HDAC9: variants seen among roughly 807,000 people sequenced by gnomAD.
HDAC9 encodes histone deacetylase 9.
A neutral mutation model predicts 139.4 loss-of-function variants in HDAC9; 41 were observed. The ratio of observed to expected loss-of-function variants is 0.29; its 90% CI spans 0.23 to 0.38. HDAC9 has a LOEUF of 0.38. Ranked by LOEUF, HDAC9 falls within the 10% of genes least tolerant of loss-of-function variation. The pLI is 1.00. For missense variants in HDAC9, 1,147 were observed against 1,297.0 expected (o/e 0.88, Z 1.78); for synonymous variants, 517 against 476.2 (o/e 1.09, Z -1.12).
At chr7:18,163,247 G>C (rs560342589) in intron 2 of HDAC9, among the ~76,000 whole-genome samples, 1 of 152,082 alleles carries the variant, frequency 6.6e-6, no homozygotes, top group Non-Finnish European at 1.5e-5. Flanking sequence ...TCCCCAACAG[G>C]CCTCCAACTT....
At chr7:18,129,857 A>G (rs968085120) in intron 1 of HDAC9, among the ~76,000 whole-genome samples, 31 of 152,194 alleles carry the variant, frequency 2.0e-4, no homozygotes, top group African/African-American at 7.5e-4. Flanking sequence ...GCAAAGTGAT[A>G]TAAGTGTTAG....
chr7:18,491,004 GTC>G (rs1406513471), upstream of HDAC9, among the ~76,000 whole-genome samples: 1 of 151,876 alleles, frequency 6.6e-6, no homozygotes, highest in Non-Finnish European at 1.5e-5. Context: ...TACATGAAAA[GTC>G]TCTGCTTGAT....
intron 12 of HDAC9, among the ~76,000 whole-genome samples, chr7:18,707,827 T>C (rs900104950): frequency 1.3e-5 from 2 of 151,260 alleles, no homozygotes; most frequent in Admixed American, 6.6e-5. Context: ...TGGCAGTAAC[T>C]TGAAGGGAAC....
At chr7:18,162,573 A>G (rs992021436) in intron 2 of HDAC9, 3 of 551,412 alleles carry the variant, frequency 5.4e-6, no homozygotes, top group Non-Finnish European at 9.7e-6. Context: ...TAGTCTGAGC[A>G]TGGGACTTTA....
intron 1 of HDAC9, among the ~76,000 whole-genome samples, chr7:18,092,476 G>C (rs1421116015): frequency 6.6e-6 from 1 of 151,502 alleles, no homozygotes; most frequent in Non-Finnish European, 1.5e-5. Flanking sequence ...TAGAAACAAG[G>C]CTCCAAATCC....
At chr7:18,847,183 A>G (rs994379087) in intron 21 of HDAC9, among the ~76,000 whole-genome samples, 1 of 152,198 alleles carries the variant, frequency 6.6e-6, no homozygotes, top group Non-Finnish European at 1.5e-5. Flanking sequence ...GCAGGGTTAA[A>G]GGCCACTGTA....
chr7:18,332,652 T>C (rs1801018025), intron 1 of HDAC9, among the ~76,000 whole-genome samples: 1 of 151,636 alleles, frequency 6.6e-6, no homozygotes, highest in Admixed American at 6.6e-5. Flanking sequence ...GCTGTGGATT[T>C]CAATTAATGC....
At chr7:18,934,870 C>A (rs536397492) in intron 22 of HDAC9, among the ~76,000 whole-genome samples, 6 of 151,920 alleles carry the variant, frequency 3.9e-5, no homozygotes, top group Non-Finnish European at 2.9e-5. Context: ...TTATTTGTAA[C>A]GACAAAAAAA....
At chr7:18,511,126 A>G (rs1420056927) in intron 2 of HDAC9, among the ~76,000 whole-genome samples, 1 of 152,224 alleles carries the variant, frequency 6.6e-6, no homozygotes, top group Non-Finnish European at 1.5e-5. Context: ...CTTTCTTATC[A>G]TTGTTCATTT....
At chr7:18,555,147 T>A (rs544347993) in intron 2 of HDAC9, among the ~76,000 whole-genome samples, 1 of 152,332 alleles carries the variant, frequency 6.6e-6, no homozygotes, top group East Asian at 1.9e-4. Context: ...TAAAAAAGAT[T>A]CTTATGCCCC....
chr7:18,091,214 A>T (rs1782120384), intron 1 of HDAC9, among the ~76,000 whole-genome samples: 1 of 152,242 alleles, frequency 6.6e-6, no homozygotes, highest in African/African-American at 2.4e-5. Context: ...CAAGTACTGA[A>T]AAAAAGTTCA....
chr7:18,907,379 C>T (rs1802356195), intron 22 of HDAC9, among the ~76,000 whole-genome samples: 1 of 152,174 alleles, frequency 6.6e-6, no homozygotes, highest in South Asian at 2.1e-4. Flanking sequence ...TTCTAAATTA[C>T]TTAATTCACG....
At chr7:18,822,759 A>G (rs1393381252) in intron 17 of HDAC9, among the ~76,000 whole-genome samples, 2 of 152,222 alleles carry the variant, frequency 1.3e-5, no homozygotes, top group African/African-American at 4.8e-5. Flanking sequence ...GGATCCCAGC[A>G]CTGTCACTTG....
intron 1 of HDAC9, among the ~76,000 whole-genome samples, chr7:18,096,883 TTGTG>T (rs59590063): frequency 0.063 from 9,150 of 145,236 alleles, 324 homozygotes; most frequent in Non-Finnish European, 0.071. Context: ...CTTGTTGGCT[TTGTG>T]TGTGTGTGTG....
chr7:18,122,059 G>A (rs1454526705), intron 1 of HDAC9, among the ~76,000 whole-genome samples: 2 of 152,100 alleles, frequency 1.3e-5, no homozygotes, highest in South Asian at 4.2e-4. Context: ...CAAGATCCAT[G>A]GTATCAGCAG....
chr7:18,171,435 A>G (rs1218817515), intron 2 of HDAC9, among the ~76,000 whole-genome samples: 1 of 152,080 alleles, frequency 6.6e-6, no homozygotes, highest in East Asian at 1.9e-4. Flanking sequence ...AATACCCTTT[A>G]TTTCTTTCTC....
At chr7:18,824,680 G>A (rs561344912) in intron 17 of HDAC9, among the ~76,000 whole-genome samples, 1 of 152,310 alleles carries the variant, frequency 6.6e-6, no homozygotes, top group South Asian at 2.1e-4. Flanking sequence ...AATGGATTGT[G>A]TGCATGTTGG....
intron 6 of HDAC9, among the ~76,000 whole-genome samples, chr7:18,621,005 C>T (rs1840068383): frequency 6.6e-6 from 1 of 152,220 alleles, no homozygotes; most frequent in South Asian, 2.1e-4. Context: ...GTGTAGTACA[C>T]CCAAGTGTCC....
chr7:18,645,341 GAAAAATAT>G (rs1787039212), intron 9 of HDAC9, among the ~76,000 whole-genome samples: 1 of 152,136 alleles, frequency 6.6e-6, no homozygotes, highest in Non-Finnish European at 1.5e-5. Flanking sequence ...AACTCTCTAA[GAAAAATAT>G]TAAACTATTC....
Sources: allele counts gnomAD v4.1 joint callset (sites outside exome capture counted in the v4.1 genomes callset), GRCh38; gene constraint gnomAD v4.1.1; transcripts MANE v1.5; gene names NCBI Gene and HGNC (gene_info 2026-07-23, HGNC 2026-07-21).